Variants in C2CD4A observed in about 807,000 individuals in gnomAD.
C2CD4A encodes C2 calcium dependent domain containing 4A.
A neutral mutation model predicts 0.4 loss-of-function variants in C2CD4A; 2 were observed. The ratio of observed to expected loss-of-function variants is 4.45; its 90% CI spans 1.82 to 13.99. The LOEUF is 13.99. C2CD4A is among the 30% of genes most tolerant of loss of function. The probability of loss-of-function intolerance (pLI) is 0.04; values close to 1 mark genes in which losing one functional copy is unlikely to be tolerated. For missense variants in C2CD4A, 610 were observed against 574.2 expected, an observed-to-expected ratio of 1.06 and a Z score of -0.64; for synonymous variants, 297 against 280.8, an observed-to-expected ratio of 1.06 and a Z score of -0.58.
rs1021816727 is a variant in C2CD4A at position 62,068,381 on chromosome 15, C to T, written c.768C>T (p.Ala256=). ...TGGCTCTGGGCCGCGCCGGCGACGC[C>T]CTGCGCCTGGCCGCCGAGTACTGTC... ...GTVALGRAGD[A]LRLAAEYCPG... Residue 256 remains alanine, a synonymous_variant, in exon 2 of 2, where the codon GCC becomes GCT. Coordinates refer to ENST00000355522, the MANE Select transcript of C2CD4A (RefSeq NM_207322.3). 4 of 1,368,488 alleles carry T rather than the reference C, an allele frequency of 2.9e-6. No homozygotes were observed. The African/African-American group carries it at 6.1e-5, about 21-fold the overall frequency. 84.8% of individuals were successfully genotyped at this position (1,368,488 alleles called of 1,614,324 possible). A position where few individuals can be genotyped will look rare whatever the true frequency, so the allele number is the denominator to read the frequency against.
chr15:62,067,936 T>G lies in C2CD4A; in HGVS notation c.323T>G (p.Leu108Arg), dbSNP rs774983317. The stretch of plus-strand genomic sequence containing the variant: ...CGCACCGCCTACGGCTTCTGCGCGC[T>G]GCTCGAGAGCCCGCACACGCGCCGC... ...RVRTAYGFCA[L>R]LESPHTRRKE... The change falls in exon 2 of 2, where the codon CTG (leucine) becomes CGG (arginine). Residue 108 changes from leucine (L) to arginine (R), a missense_variant. By Grantham distance (102) the Leu-to-Arg change is moderately radical. Coordinates refer to ENST00000355522, the MANE Select transcript of C2CD4A (RefSeq NM_207322.3). 3.8e-6 allele frequency: 6 copies of G among 1,570,120 alleles called. No individual in the cohort carries two copies. Among genetic ancestry groups the G allele is most frequent in the Non-Finnish European group, 4.3e-6 (5 of 1,165,680 alleles).
rs1261648327 is a variant in C2CD4A at position 62,070,883 on chromosome 15, A to G, written c.*2160A>G. Reference sequence around the variant, plus strand: ...CTGCTAATGAGTTCACAAATGTAGCACTTTAAAAGGAAAATAAATGGAGAG... The same window carrying G: ...CTGCTAATGAGTTCACAAATGTAGCGCTTTAAAAGGAAAATAAATGGAGAG... On this transcript the variant is annotated 3_prime_UTR_variant, in exon 2 of 2. Coordinates refer to ENST00000355522, the MANE Select transcript of C2CD4A (RefSeq NM_207322.3). 4.9e-6 allele frequency: 1 copy of G among 204,048 alleles called. No individual in the cohort carries two copies. The highest frequency in any genetic ancestry group is 2.3e-5 in the African/African-American group (1 of 43,312). The allele number at this position is 204,048 out of a possible 1,614,324, so 12.6% of individuals were successfully genotyped here.
chr15:62,067,418 C>G (rs1156980676), intron 1 of C2CD4A, among the ~76,000 whole-genome samples, 167 bp from the exon 2 acceptor site: 1 of 152,142 alleles, frequency 6.6e-6, no homozygotes, highest in Non-Finnish European at 1.5e-5. Flanking sequence ...AGTTGTTTTT[C>G]GCTCACTGAA....
chr15:62,068,534 A>T lies in C2CD4A; in HGVS notation c.921A>T (p.Gln307His). Residue 307 changes from glutamine to histidine, a missense_variant, in exon 2 of 2, where the codon CAA becomes CAT. Coordinates refer to ENST00000355522, the MANE Select transcript of C2CD4A (RefSeq NM_207322.3). ...VLRPPGTALR[Q>H]CSTVVGRSRK... Reference sequence around the variant, plus strand: ...GGCCGCCGGGCACCGCGCTTCGGCAATGCAGCACTGTGGTGGGGCGCAGCC... The same window carrying T: ...GGCCGCCGGGCACCGCGCTTCGGCATTGCAGCACTGTGGTGGGGCGCAGCC... The T allele has an allele frequency of 6.4e-7, 1 of 1,556,412 alleles. No homozygotes were observed.
chr15:62,070,565 A>C lies in C2CD4A; in HGVS notation c.*1842A>C. On this transcript the variant is annotated 3_prime_UTR_variant, in exon 2 of 2. Transcript: ENST00000355522. ...GTTTGATAAAATAAATATTATACAA[A>C]ATTCGAAGAAAAAAGAAAAGAGTTT... 1 of 413,496 alleles carries C rather than the reference A, an allele frequency of 2.4e-6. No homozygotes were observed. The highest frequency in any genetic ancestry group is 4.4e-6 in the Non-Finnish European group (1 of 226,134). The allele number at this position is 413,496 out of a possible 1,614,324, so 25.6% of individuals were successfully genotyped here.
In C2CD4A at chr15:62,068,392, C is replaced by T; in HGVS notation, c.779C>T (p.Ala260Val). The change falls in exon 2 of 2, where the codon GCC becomes GTC. Residue 260 changes from alanine (A) to valine (V), a missense_variant. Transcript: ENST00000355522. Reference protein sequence around the residue: ...LGRAGDALRLAAEYCPGTGRL... With the variant: ...LGRAGDALRLVAEYCPGTGRL... ...CGCGCCGGCGACGCCCTGCGCCTGG[C>T]CGCCGAGTACTGTCCGGGAACCGGG... 7.3e-7 allele frequency: 1 copy of T among 1,369,430 alleles called. No individual in the cohort carries two copies. The highest frequency in any genetic ancestry group is 1.7e-5 in the South Asian group (1 of 58,002). 84.8% of individuals were successfully genotyped at this position (1,369,430 alleles called of 1,614,324 possible).
chr15:62,070,060 A>C lies in C2CD4A; in HGVS notation c.*1337A>C, dbSNP rs1353537798. The C allele has an allele frequency of 6.5e-6, 2 of 309,908 alleles. No homozygotes were observed. The highest frequency in any genetic ancestry group is 1.2e-5 in the Non-Finnish European group (2 of 163,036). 19.2% of individuals were successfully genotyped at this position (309,908 alleles called of 1,614,324 possible). Reference sequence around the variant, plus strand: ...GGAACAGGCAGTGGAGAGTGTACAGATAGCATGGTTTTACCTCTGGCTTCT... The same window carrying C: ...GGAACAGGCAGTGGAGAGTGTACAGCTAGCATGGTTTTACCTCTGGCTTCT... On this transcript the variant is annotated 3_prime_UTR_variant, in exon 2 of 2. Coordinates refer to ENST00000355522, the MANE Select transcript of C2CD4A (RefSeq NM_207322.3).
chr15:62,068,282 G>T lies in C2CD4A; in HGVS notation c.669G>T (p.Pro223=). The T allele has an allele frequency of 7.2e-7, 1 of 1,389,588 alleles. No homozygotes were observed. Among genetic ancestry groups the T allele is most frequent in the Non-Finnish European group, 9.3e-7 (1 of 1,072,760 alleles). The allele number at this position is 1,389,588 out of a possible 1,614,324, so 86.1% of individuals were successfully genotyped here. Residue 223 remains proline (P), a synonymous_variant, in exon 2 of 2, where the codon CCG becomes CCT. Coordinates refer to ENST00000355522, the MANE Select transcript of C2CD4A (RefSeq NM_207322.3). ...DKERRAGSQS[P]ARAPSTSPPS... The stretch of plus-strand genomic sequence containing the variant: ...AGCGCCGCGCGGGCTCCCAGTCCCC[G>T]GCCCGGGCCCCCTCCACGAGCCCGC...
rs866750989 is a variant in C2CD4A at position 62,067,660 on chromosome 15, G to A, written c.47G>A (p.Arg16Gln). The stretch of plus-strand genomic sequence containing the variant: ...CGCTTGGGTCCTGAGTGCCTTCGGC[G>A]GAGCGGAGACTGGCTTCTCCCGGGT... ...RLRLGPECLR[R>Q]SGDWLLPGRA... Residue 16 changes from arginine (R) to glutamine (Q), a missense_variant, in exon 2 of 2, where the codon CGG becomes CAG. Arg to Gln is a conservative substitution (Grantham distance 43). Coordinates refer to ENST00000355522, the MANE Select transcript of C2CD4A (RefSeq NM_207322.3). 4.4e-6 allele frequency: 7 copies of A among 1,606,146 alleles called. No homozygotes were observed. The highest frequency in any genetic ancestry group is 1.3e-5 in the African/African-American group (1 of 74,920).
At position 62,068,786 on chromosome 15, in the gene C2CD4A, C is replaced by A; in HGVS notation, c.*63C>A. The A allele has an allele frequency of 7.0e-7, 1 of 1,426,058 alleles. No individual in the cohort carries two copies. Among genetic ancestry groups the A allele is most frequent in the Admixed American group, 2.9e-5 (1 of 33,948 alleles). The allele number at this position is 1,426,058 out of a possible 1,614,324, so 88.3% of individuals were successfully genotyped here. On this transcript the variant is annotated 3_prime_UTR_variant, in exon 2 of 2. Coordinates refer to ENST00000355522, the MANE Select transcript of C2CD4A (RefSeq NM_207322.3). Reference sequence around the variant, plus strand: ...TCCGGACACTGACAGCCGCGTGGTACAAAATAAACGTGTATTTGTTGTTCT... The same window carrying A: ...TCCGGACACTGACAGCCGCGTGGTAAAAAATAAACGTGTATTTGTTGTTCT...
In C2CD4A at chr15:62,067,654, T is replaced by G. The variant is rs1287719375; in HGVS notation, c.41T>G (p.Leu14Arg). The G allele has an allele frequency of 1.2e-6, 2 of 1,605,308 alleles. No individual in the cohort carries two copies. Among genetic ancestry groups the G allele is most frequent in the East Asian group, 2.2e-5 (1 of 44,842 alleles). Residue 14 changes from leucine (L) to arginine (R), a missense_variant, in exon 2 of 2, where the codon CTT becomes CGT. Coordinates refer to ENST00000355522, the MANE Select transcript of C2CD4A (RefSeq NM_207322.3). ...CGACTCCGCTTGGGTCCTGAGTGCC[T>G]TCGGCGGAGCGGAGACTGGCTTCTC... is the stretch of plus-strand genomic sequence containing the variant. Reference protein sequence around the residue: ...LERLRLGPECLRRSGDWLLPG... With the variant: ...LERLRLGPECRRRSGDWLLPG...
chr15:62,068,672 C>A lies in C2CD4A; in HGVS notation c.1059C>A (p.Gly353=). 1 of 1,546,542 alleles carries A rather than the reference C, an allele frequency of 6.5e-7. No homozygotes were observed. ...ACGAGGGCCGCGGCCGGGAGCGGGG[C>A]CGCCTGCTGGGCCAGGGTGAGCTGT... ...ARDEGRGRER[G]RLLGQGELSL... Residue 353 remains glycine, a synonymous_variant, in exon 2 of 2, where the codon GGC becomes GGA. Transcript: ENST00000355522.
Position 62,068,289 on chromosome 15 carries a change from G to GC in C2CD4A, c.681dup (p.Ser228LeufsTer94). 2.8e-6 allele frequency: 4 copies of GC among 1,407,094 alleles called. No individual in the cohort carries two copies. The highest frequency in any genetic ancestry group is 1.5e-5 in the South Asian group (1 of 68,352). 87.2% of individuals were successfully genotyped at this position (1,407,094 alleles called of 1,614,324 possible). A position where few individuals can be genotyped will look rare whatever the true frequency, so the allele number is the denominator to read the frequency against. ...CGCGGGCTCCCAGTCCCCGGCCCGG[G>GC]CCCCCTCCACGAGCCCGCCGTCGTC... is the stretch of plus-strand genomic sequence containing the variant. On this transcript the variant is annotated frameshift_variant, in exon 2 of 2. Coordinates refer to ENST00000355522, the MANE Select transcript of C2CD4A (RefSeq NM_207322.3).
chr15:62,068,760 C>G lies in C2CD4A; in HGVS notation c.*37C>G. ...TCCCCGGGGCGCTCTGCCCGGGGGA[C>G]TCCGGACACTGACAGCCGCGTGGTA... On this transcript the variant is annotated 3_prime_UTR_variant, in exon 2 of 2. Transcript: ENST00000355522. 3 of 1,429,158 alleles carry G rather than the reference C, an allele frequency of 2.1e-6. No homozygotes were observed. Among genetic ancestry groups the G allele is most frequent in the Non-Finnish European group, 2.8e-6 (3 of 1,088,418 alleles). The allele number at this position is 1,429,158 out of a possible 1,614,324, so 88.5% of individuals were successfully genotyped here. A position where few individuals can be genotyped will look rare whatever the true frequency, so the allele number is the denominator to read the frequency against.
Position 62,070,183 on chromosome 15 carries a change from C to A in C2CD4A, c.*1460C>A. On this transcript the variant is annotated 3_prime_UTR_variant, in exon 2 of 2. Coordinates refer to ENST00000355522, the MANE Select transcript of C2CD4A (RefSeq NM_207322.3). ...AGGGCATTTTTTTCTTTTTTTTATGCAAATAGGAAAATGCATCCTAAATGA... is the reference window on the plus strand; with the variant it reads ...AGGGCATTTTTTTCTTTTTTTTATGAAAATAGGAAAATGCATCCTAAATGA... 2.4e-6 allele frequency: 1 copy of A among 410,518 alleles called. No homozygotes were observed. The allele number at this position is 410,518 out of a possible 1,614,324, so 25.4% of individuals were successfully genotyped here.
rs1426228285 is a variant in C2CD4A at position 62,067,569 on chromosome 15, C to A, written c.-29-16C>A. On this transcript the variant is annotated splice_polypyrimidine_tract_variant and intron_variant, in intron 1 of 1. Transcript: ENST00000355522. Reference sequence around the variant, plus strand: ...GGGACTCGCTCTGACGATCCTTGTGCCTTTGTGCACTGCAGGTAGACAAGC... The same window carrying A: ...GGGACTCGCTCTGACGATCCTTGTGACTTTGTGCACTGCAGGTAGACAAGC... 2 of 1,536,508 alleles carry A rather than the reference C, an allele frequency of 1.3e-6. No homozygotes were observed. Among genetic ancestry groups the A allele is most frequent in the Non-Finnish European group, 1.7e-6 (2 of 1,143,392 alleles).
chr15:62,070,049 A>G lies in C2CD4A; in HGVS notation c.*1326A>G. ...GTTTATCTGCTGGAACAGGCAGTGG[A>G]GAGTGTACAGATAGCATGGTTTTAC... On this transcript the variant is annotated 3_prime_UTR_variant, in exon 2 of 2. Transcript: ENST00000355522. 1 of 293,316 alleles carries G rather than the reference A, an allele frequency of 3.4e-6. No homozygotes were observed. 18.2% of individuals were successfully genotyped at this position (293,316 alleles called of 1,614,324 possible). A position where few individuals can be genotyped will look rare whatever the true frequency, so the allele number is the denominator to read the frequency against.
In C2CD4A at chr15:62,069,540, C is replaced by G. The variant is rs1351029553; in HGVS notation, c.*817C>G. On this transcript the variant is annotated 3_prime_UTR_variant, in exon 2 of 2. Coordinates refer to ENST00000355522, the MANE Select transcript of C2CD4A (RefSeq NM_207322.3). ...AAGGCTGCAGTGAGCCGAGATCGTG[C>G]CACTGCACTCCAACCTGGGCAACCG... The G allele has an allele frequency of 6.4e-6, 1 of 156,060 alleles. No individual in the cohort carries two copies. Among genetic ancestry groups the G allele is most frequent in the African/African-American group, 2.4e-5 (1 of 41,442 alleles). The allele number at this position is 156,060 out of a possible 1,614,324, so 9.7% of individuals were successfully genotyped here.
rs1316139275 is a variant in C2CD4A at position 62,067,657 on chromosome 15, G to A, written c.44G>A (p.Arg15Gln). 5.6e-6 allele frequency: 9 copies of A among 1,605,684 alleles called. No homozygotes were observed. The highest frequency in any genetic ancestry group is 7.6e-6 in the Non-Finnish European group (9 of 1,179,272). ...ERLRLGPECL[R>Q]RSGDWLLPGR... The stretch of plus-strand genomic sequence containing the variant: ...CTCCGCTTGGGTCCTGAGTGCCTTC[G>A]GCGGAGCGGAGACTGGCTTCTCCCG... The change falls in exon 2 of 2, where the codon CGG becomes CAG. Residue 15 changes from arginine (R) to glutamine (Q), a missense_variant. Physicochemically the swap from Arg to Gln is conservative, Grantham distance 43. Coordinates refer to ENST00000355522, the MANE Select transcript of C2CD4A (RefSeq NM_207322.3).
Sources: allele counts gnomAD v4.1 joint callset (sites outside exome capture counted in the v4.1 genomes callset), GRCh38; gene constraint gnomAD v4.1.1; transcripts MANE v1.5; gene names NCBI Gene and HGNC (gene_info 2026-07-23, HGNC 2026-07-21).